Variants in LYRM4 observed in about 807,000 individuals in gnomAD.
The protein encoded by LYRM4 is LYR motif containing 4.
LYRM4 carries 9 observed loss-of-function variants against 11.7 expected under a neutral mutation model. The observed-to-expected ratio is 0.77, with a 90% CI of 0.46 to 1.34. The LOEUF is 1.34. Among genes scored for constraint, LYRM4 ranks in the 40% most tolerant of loss-of-function variants. The pLI, the probability that LYRM4 is intolerant of heterozygous loss-of-function variation, is 0.00. For synonymous variants in LYRM4, 42 were observed against 40.4 expected (o/e 1.04, Z -0.15); for missense variants, 133 against 112.5 (o/e 1.18, Z -0.82).
downstream of LYRM4, among the ~76,000 whole-genome samples, chr6:5,101,968 CTTTTT>C (rs397826404): frequency 2.9e-5 from 2 of 67,988 alleles, no homozygotes; most frequent in Admixed American, 2.0e-4. Context: ...CTAATGCTTT[CTTTTT>C]TTTTTTTTTT....
the LYRM4 span, among the ~76,000 whole-genome samples, chr6:5,062,081 CTTTTTTTT>C: frequency 3.4e-5 from 4 of 117,274 alleles, no homozygotes; most frequent in Admixed American, 1.8e-4. Context: ...CTTCCTTCTT[CTTTTTTTT>C]TTTTTTTTTT....
chr6:5,127,447 AT>A (rs1220150349), intron 2 of LYRM4, among the ~76,000 whole-genome samples: 3 of 152,236 alleles, frequency 2.0e-5, no homozygotes, highest in African/African-American at 7.2e-5. Context: ...ATGTTAAAAA[AT>A]ACAGGTTAAA....
intron 1 of LYRM4, among the ~76,000 whole-genome samples, chr6:5,234,447 G>A (rs1273801342): frequency 6.6e-6 from 1 of 152,160 alleles, no homozygotes; most frequent in Non-Finnish European, 1.5e-5. Flanking sequence ...CCTGGTATTG[G>A]GCACATATTA....
chr6:5,235,320 T>C (rs1230057730), intron 1 of LYRM4, among the ~76,000 whole-genome samples: 1 of 152,150 alleles, frequency 6.6e-6, no homozygotes. Context: ...CTGTAATTTT[T>C]TATTTAATTA....
rs559503683 is a variant in LYRM4, at chr6:5,186,938, C to A, written c.207+29680G>T. 2.2e-5 allele frequency: 10 copies of A among 458,716 alleles called. No individual in the cohort carries two copies. The East Asian group carries it at 1.5e-3, about 71-fold the overall frequency. The allele number at this position is 458,716 out of a possible 1,614,324, so 28.4% of individuals were successfully genotyped here. A position where few individuals can be genotyped will look rare whatever the true frequency, so the allele number is the denominator to read the frequency against. Reference sequence around the variant, plus strand: ...GGCAGAGGTTGTAGTGAGCTGAGATCGTTCCAATGCACTCCAGCCTGGGCG... The same window carrying A: ...GGCAGAGGTTGTAGTGAGCTGAGATAGTTCCAATGCACTCCAGCCTGGGCG... On this transcript the variant is annotated intron_variant, in intron 2 of 2. Coordinates refer to ENST00000330636, the MANE Select transcript of LYRM4 (RefSeq NM_020408.6).
At chr6:5,228,538 A>G (rs6901286) in intron 1 of LYRM4, among the ~76,000 whole-genome samples, 7,462 of 152,162 alleles carry the variant, frequency 0.049, 597 homozygotes, top group African/African-American at 0.16. Flanking sequence ...TTGGTCTCCC[A>G]AAGTGCTGGG....
the LYRM4 span, among the ~76,000 whole-genome samples, chr6:5,095,664 C>A: frequency 6.6e-6 from 1 of 152,174 alleles, no homozygotes; most frequent in Admixed American, 6.5e-5. Flanking sequence ...CCTTAACAAA[C>A]CTCACTGCTG....
At chr6:5,189,611 A>G (rs1222375919) in intron 2 of LYRM4, among the ~76,000 whole-genome samples, 1 of 152,218 alleles carries the variant, frequency 6.6e-6, no homozygotes, top group Non-Finnish European at 1.5e-5. Context: ...ATTATTCCAC[A>G]TGGTGCCTAA....
At chr6:5,144,764 T>G (rs1757619831) in intron 2 of LYRM4, among the ~76,000 whole-genome samples, 1 of 151,132 alleles carries the variant, frequency 6.6e-6, no homozygotes, top group Non-Finnish European at 1.5e-5. Flanking sequence ...GAGCTGCATG[T>G]GTCTGGGAGC....
At chr6:5,208,181 C>A (rs1368109437) in intron 2 of LYRM4, among the ~76,000 whole-genome samples, 1 of 152,154 alleles carries the variant, frequency 6.6e-6, no homozygotes, top group Non-Finnish European at 1.5e-5. Flanking sequence ...AAGGAAGCAG[C>A]ACTGACAAGC....
chr6:5,109,607 C>T, intron 2 of LYRM4, 116 bp from the exon 3 acceptor site: 1 of 1,047,906 alleles, frequency 9.5e-7, no homozygotes, highest in Non-Finnish European at 1.4e-6. Flanking sequence ...CAGGGCTGCT[C>T]CCTTCCGGCA....
intron 2 of LYRM4, among the ~76,000 whole-genome samples, chr6:5,164,557 T>C (rs1475601283): frequency 2.0e-5 from 3 of 152,190 alleles, no homozygotes; most frequent in Non-Finnish European, 4.4e-5. Flanking sequence ...GAAGTCAGGA[T>C]AGTGCTGATT....
the LYRM4 span, among the ~76,000 whole-genome samples, chr6:5,061,526 C>T: frequency 6.6e-6 from 1 of 152,234 alleles, no homozygotes; most frequent in South Asian, 2.1e-4. Flanking sequence ...GCCTCCCAAG[C>T]TTTTCACTTA....
chr6:5,051,930 G>A, the LYRM4 span, among the ~76,000 whole-genome samples: 13 of 152,250 alleles, frequency 8.5e-5, no homozygotes, highest in Non-Finnish European at 1.6e-4. Context: ...CAACTCTCAT[G>A]GGAGCTAATA....
At chr6:5,154,797 C>G (rs555004720) in intron 2 of LYRM4, among the ~76,000 whole-genome samples, 1 of 151,672 alleles carries the variant, frequency 6.6e-6, no homozygotes, top group African/African-American at 2.4e-5. Context: ...CCAGCCTGGG[C>G]GACAGAGCGA....
the LYRM4 span, chr6:5,067,050 T>G: frequency 2.7e-6 from 1 of 367,856 alleles, no homozygotes; most frequent in Non-Finnish European, 4.8e-6. Context: ...CCTAAATTTA[T>G]TTTTAATTAT....
At chr6:5,095,189 G>C in the LYRM4 span, among the ~76,000 whole-genome samples, 5 of 152,186 alleles carry the variant, frequency 3.3e-5, no homozygotes, top group Admixed American at 6.5e-5. Context: ...GGGAGAGGGT[G>C]TGATTCTGGC....
At chr6:5,181,846 G>C (rs1760094794) in intron 2 of LYRM4, among the ~76,000 whole-genome samples, 1 of 152,122 alleles carries the variant, frequency 6.6e-6, no homozygotes, top group South Asian at 2.1e-4. Context: ...CTGCCCAGAT[G>C]GCCTCTGAGC....
At chr6:5,046,290 G>A in the LYRM4 span, among the ~76,000 whole-genome samples, 3 of 152,066 alleles carry the variant, frequency 2.0e-5, no homozygotes, top group African/African-American at 7.2e-5. Context: ...GGGACTACAG[G>A]TGCCCGCCAC....
Sources: gnomAD v4.1 joint callset for allele counts (sites outside exome capture counted in the v4.1 genomes callset) on GRCh38, gnomAD v4.1.1 for gene constraint, MANE v1.5 for transcripts, NCBI Gene and HGNC (gene_info 2026-07-23, HGNC 2026-07-21) for gene names.